The following TOPBP1 variants were observed in gnomAD, a reference collection of about 807,000 sequenced individuals.
TOPBP1 encodes DNA topoisomerase II binding protein 1, also known as DNA topoisomerase 2-binding protein 1.
A neutral mutation model predicts 167.7 loss-of-function variants in TOPBP1; 28 were observed. That is an observed-to-expected ratio of 0.17 (90% CI 0.12 to 0.23). The LOEUF (loss-of-function observed/expected upper bound fraction) is 0.23. Ranked by LOEUF, TOPBP1 falls within the 10% of genes least tolerant of loss-of-function variation. The pLI is 1.00. For synonymous variants in TOPBP1, 598 were observed against 611.4 expected, an observed-to-expected ratio of 0.98 and a Z score of 0.32; for missense variants, 1,554 against 1,809.6, an observed-to-expected ratio of 0.86 and a Z score of 2.56.
intron 8 of TOPBP1, among the ~76,000 whole-genome samples, chr3:133,651,265 T>C (rs1288477738): frequency 6.9e-6 from 1 of 145,892 alleles, no homozygotes; most frequent in Non-Finnish European, 1.5e-5. Context: ...CGGCTCACTG[T>C]AACCTCCGCC....
In TOPBP1 at chr3:133,649,408, T is replaced by C. The variant is rs759294823; in HGVS notation, c.1479A>G (p.Gln493=). The change falls in exon 10 of 28, where the codon CAA becomes CAG. Residue 493 remains glutamine, a synonymous_variant. Coordinates refer to ENST00000260810, the MANE Select transcript of TOPBP1 (RefSeq NM_007027.4). The part of the protein sequence containing the change: ...HEQADEDLLS[Q]YENGSSTVVE... ...CTACTGTGGAGCTACCATTTTCATA[T>C]TGAGAGAGCAGATCTTCATCAGCTT... is the stretch of plus-strand genomic sequence containing the variant. The C allele has an allele frequency of 8.7e-6, 14 of 1,613,454 alleles. 1 individual carries two copies. The highest frequency in any genetic ancestry group is 1.3e-5 in the African/African-American group (1 of 74,912).
chr3:133,625,722 A>C lies in TOPBP1; in HGVS notation c.2805-1547T>G, dbSNP rs147156293. 2.7e-3 allele frequency among the ~76,000 whole-genome samples: 410 copies of C among 150,824 alleles called. 2 individuals carry two copies. Among genetic ancestry groups the C allele is most frequent in the African/African-American group, 9.3e-3 (381 of 40,994 alleles). ...CTCCAGCCTGGGCAACAAGAGCAAA[A>C]CTCCCTCTCAAAAAAAAAAAAGAAT... On this transcript the variant is annotated intron_variant, in intron 16 of 27. Transcript: ENST00000260810.
At chr3:133,628,760 T>C (rs62282419) in intron 14 of TOPBP1, 27 bp from the exon 15 acceptor site, 277,313 of 1,535,440 alleles carry the variant, frequency 0.18, 27,260 homozygotes, top group Non-Finnish European at 0.21. Flanking sequence ...GAGAGAGAGA[T>C]GGAGAAAAGA....
chr3:133,645,161 T>C (rs1308479128), intron 10 of TOPBP1, among the ~76,000 whole-genome samples: 2 of 152,198 alleles, frequency 1.3e-5, no homozygotes, highest in Non-Finnish European at 2.9e-5. Context: ...CACTAGCATT[T>C]TCATTTTTAA....
chr3:133,651,168 TC>T (rs971395545), intron 8 of TOPBP1, among the ~76,000 whole-genome samples: 2 of 140,940 alleles, frequency 1.4e-5, no homozygotes, highest in African/African-American at 2.6e-5. Context: ...TTGCCGAATT[TC>T]CCTTTTTTTT....
At chr3:133,620,704 G>C (rs1396599957) in intron 19 of TOPBP1, among the ~76,000 whole-genome samples, 1 of 151,296 alleles carries the variant, frequency 6.6e-6, no homozygotes, top group Non-Finnish European at 1.5e-5. Context: ...CTCTCAAGTA[G>C]CTGGGATTAC....
intron 2 of TOPBP1, 129 bp from the exon 3 acceptor site, chr3:133,659,279 C>A: frequency 2.2e-6 from 2 of 895,258 alleles, no homozygotes; most frequent in Non-Finnish European, 3.3e-6. Flanking sequence ...TAGACCTCTG[C>A]AGAAGGCTCC....
At chr3:133,639,733 A>G (rs1004241866) in intron 13 of TOPBP1, among the ~76,000 whole-genome samples, 4 of 152,140 alleles carry the variant, frequency 2.6e-5, no homozygotes, top group African/African-American at 9.7e-5. Flanking sequence ...ATAAGAGGAG[A>G]GATAGCATGT....
intron 3 of TOPBP1, among the ~76,000 whole-genome samples, chr3:133,658,652 TA>T (rs1559835863): frequency 6.6e-6 from 1 of 151,304 alleles, no homozygotes; most frequent in African/African-American, 2.4e-5. Context: ...CTACTAAAAA[TA>T]AAAAAATCAG....
intron 27 of TOPBP1, among the ~76,000 whole-genome samples, chr3:133,606,039 A>T (rs554427499): frequency 7.2e-5 from 11 of 152,142 alleles, no homozygotes; most frequent in African/African-American, 2.6e-4. Context: ...TGCCAAAAAA[A>T]AAATTAGCTG....
chr3:133,642,307 T>C (rs889544272), intron 12 of TOPBP1, among the ~76,000 whole-genome samples: 9 of 152,204 alleles, frequency 5.9e-5, no homozygotes, highest in African/African-American at 2.2e-4. Flanking sequence ...ATACTTATAG[T>C]AATCACTTCT....
In TOPBP1 at chr3:133,659,063, A is replaced by G. The variant is rs1233588977; in HGVS notation, c.172T>C (p.Tyr58His). The G allele has an allele frequency of 1.2e-5, 19 of 1,597,532 alleles. No homozygotes were observed. The highest frequency in any genetic ancestry group is 1.6e-5 in the Non-Finnish European group (19 of 1,171,652). ...ACGCCACTAAAAGGGTCACAGATAT[A>G]AAGTGATCTATCATTCTCCTTTATC... ...LKIKENDRSLYICDPFSGVVF... is the reference protein window; with the variant it reads ...LKIKENDRSLHICDPFSGVVF... The change falls in exon 3 of 28, where the codon TAT becomes CAT. Residue 58 changes from tyrosine (Y) to histidine (H), a missense_variant. Tyr to His is a moderately conservative substitution (Grantham distance 83). This residue lies in a region of TOPBP1 where 1,197 missense variants were observed against 1,351.5 expected (regional missense o/e 0.89). Transcript: ENST00000260810.
chr3:133,602,120 G>C (rs905990806), intron 27 of TOPBP1, among the ~76,000 whole-genome samples: 5 of 152,196 alleles, frequency 3.3e-5, no homozygotes, highest in Non-Finnish European at 7.4e-5. Context: ...TTTAGGGGGA[G>C]ATAAGGGTCT....
In TOPBP1 at chr3:133,649,365, T is replaced by C; in HGVS notation, c.1504+18A>G. ...AATATTTCTTACTAACTACAAATAC[T>C]AATCAAGCATTTCTTACCTACTGTG... is the stretch of plus-strand genomic sequence containing the variant. On this transcript the variant is annotated intron_variant, in intron 10 of 27. Transcript: ENST00000260810. 1 of 1,607,198 alleles carries C rather than the reference T, an allele frequency of 6.2e-7. No homozygotes were observed. Among genetic ancestry groups the C allele is most frequent in the South Asian group, 1.1e-5 (1 of 90,476 alleles).
At chr3:133,661,246 T>A (rs1936702323) in intron 1 of TOPBP1, 112 bp from the exon 2 acceptor site, 1 of 732,838 alleles carries the variant, frequency 1.4e-6, no homozygotes, top group East Asian at 3.2e-5. Flanking sequence ...ACAGACATTC[T>A]GGCTCTGCCC....
intron 19 of TOPBP1, among the ~76,000 whole-genome samples, chr3:133,621,360 C>T (rs1935084211): frequency 6.6e-6 from 1 of 152,128 alleles, no homozygotes; most frequent in Admixed American, 6.5e-5. Context: ...ATCCAGCCCT[C>T]CACATCCACC....
chr3:133,635,504 C>T (rs958694381), intron 14 of TOPBP1, among the ~76,000 whole-genome samples: 2 of 152,208 alleles, frequency 1.3e-5, no homozygotes, highest in African/African-American at 4.8e-5. Flanking sequence ...GAGGCTCCCA[C>T]CTCAGCCTCC....
intron 18 of TOPBP1, 43 bp from the exon 19 acceptor site, chr3:133,623,236 G>A: frequency 6.2e-7 from 1 of 1,611,294 alleles, no homozygotes; most frequent in South Asian, 1.1e-5. Flanking sequence ...CCAAGCCACT[G>A]TATAAGGTTT....
chr3:133,654,580 T>C (rs975628213), intron 6 of TOPBP1, among the ~76,000 whole-genome samples: 6 of 152,186 alleles, frequency 3.9e-5, no homozygotes, highest in South Asian at 2.1e-4. Flanking sequence ...TCAATCTAGA[T>C]AGCTTAGTAA....
Sources: allele counts gnomAD v4.1 joint callset (sites outside exome capture counted in the v4.1 genomes callset), GRCh38; gene constraint gnomAD v4.1.1; regional missense constraint gnomAD v4.1.1; transcripts MANE v1.5; gene names NCBI Gene and HGNC (gene_info 2026-07-23, HGNC 2026-07-21).